ARID4B: variants seen among roughly 807,000 people sequenced by gnomAD.
ARID4B encodes AT-rich interaction domain 4B.
Under a neutral mutation model 147.5 loss-of-function variants are expected in ARID4B, and 26 were observed. That is an observed-to-expected ratio of 0.18 (90% CI 0.13 to 0.24). ARID4B has a LOEUF of 0.24. Among genes scored for constraint, ARID4B ranks in the 10% least tolerant of loss-of-function variants. The probability of loss-of-function intolerance (pLI) is 1.00; values close to 1 mark genes in which losing one functional copy is unlikely to be tolerated. For synonymous variants in ARID4B, 512 were observed against 507.9 expected (o/e 1.01, Z -0.11); for missense variants, 1,179 against 1,511.5 (o/e 0.78, Z 3.65).
intron 16 of ARID4B, among the ~76,000 whole-genome samples, chr1:235,216,151 A>C (rs1302917149): frequency 2.0e-5 from 3 of 152,098 alleles, no homozygotes; most frequent in Admixed American, 6.6e-5. Flanking sequence ...CGAAAGTATC[A>C]AATATATCAA....
chr1:235,188,116 T>TG (rs1444555132), intron 19 of ARID4B, among the ~76,000 whole-genome samples: 2 of 151,922 alleles, frequency 1.3e-5, no homozygotes, highest in East Asian at 1.9e-4. Context: ...TGGGGGGGTT[T>TG]GGGGTCATTG....
chr1:235,193,689 C>T (rs1049995202), intron 19 of ARID4B, among the ~76,000 whole-genome samples: 1 of 152,156 alleles, frequency 6.6e-6, no homozygotes, highest in Non-Finnish European at 1.5e-5. Context: ...CATCCCAAAT[C>T]CAAAATCTGA....
At chr1:235,263,366 A>G (rs1670406396) in intron 2 of ARID4B, among the ~76,000 whole-genome samples, 1 of 152,198 alleles carries the variant, frequency 6.6e-6, no homozygotes, top group Admixed American at 6.5e-5. Context: ...ACATCTTTAG[A>G]CTATTAGTAT....
At chr1:235,269,733 A>G (rs1179965754) in intron 2 of ARID4B, among the ~76,000 whole-genome samples, 2 of 152,200 alleles carry the variant, frequency 1.3e-5, no homozygotes, top group African/African-American at 2.4e-5. Flanking sequence ...TAAATTAGAT[A>G]TAGAGCAAAT....
intron 2 of ARID4B, among the ~76,000 whole-genome samples, chr1:235,308,343 G>A (rs1029685505): frequency 6.6e-6 from 1 of 151,750 alleles, no homozygotes; most frequent in Non-Finnish European, 1.5e-5. Flanking sequence ...CTGACTTCAA[G>A]TGATTCGCCC....
intron 17 of ARID4B, among the ~76,000 whole-genome samples, chr1:235,212,489 G>A (rs1666778770): frequency 6.6e-6 from 1 of 152,090 alleles, no homozygotes; most frequent in Non-Finnish European, 1.5e-5. Context: ...TTTGCTATTT[G>A]CTATTTTCTT....
chr1:235,274,838 G>A (rs1671214759), intron 2 of ARID4B, among the ~76,000 whole-genome samples: 1 of 152,158 alleles, frequency 6.6e-6, no homozygotes, highest in Non-Finnish European at 1.5e-5. Flanking sequence ...TAAAAAGAGG[G>A]TAAATAATAC....
intron 12 of ARID4B, among the ~76,000 whole-genome samples, chr1:235,224,482 T>C (rs899265890): frequency 2.0e-5 from 3 of 152,234 alleles, no homozygotes; most frequent in South Asian, 2.1e-4. Flanking sequence ...TAAGTGCATT[T>C]ATGTGTCCAT....
At chr1:235,175,075 C>T (rs906339662) in intron 22 of ARID4B, 109 bp downstream of exon 22, 12 of 1,001,078 alleles carry the variant, frequency 1.2e-5, no homozygotes, top group African/African-American at 1.6e-5. Context: ...CCACCGCACT[C>T]CAGCCTGGTG....
intron 2 of ARID4B, among the ~76,000 whole-genome samples, chr1:235,296,823 A>AAGGG (rs1200679093): frequency 0.011 from 368 of 32,560 alleles, 5 homozygotes; most frequent in African/African-American, 0.015. Flanking sequence ...GGAAGGAAGG[A>AAGGG]AGGAAGGAAG....
chr1:235,212,233 A>G (rs1423135194), intron 17 of ARID4B, among the ~76,000 whole-genome samples: 1 of 152,190 alleles, frequency 6.6e-6, no homozygotes, highest in Non-Finnish European at 1.5e-5. Context: ...CAACAGAGCT[A>G]GACTCTATCT....
chr1:235,300,232 A>G (rs1008480752), intron 2 of ARID4B, among the ~76,000 whole-genome samples: 2 of 152,124 alleles, frequency 1.3e-5, no homozygotes, highest in South Asian at 2.1e-4. Context: ...CCTGGCCAAC[A>G]TGGCAAAACC....
At chr1:235,280,887 A>G (rs1396949848) in intron 2 of ARID4B, among the ~76,000 whole-genome samples, 1 of 152,238 alleles carries the variant, frequency 6.6e-6, no homozygotes, top group Non-Finnish European at 1.5e-5. Context: ...CGTTTTTTGA[A>G]AGAAATTCTT....
At chr1:235,271,857 G>C (rs4659480) in intron 2 of ARID4B, among the ~76,000 whole-genome samples, 1 of 151,208 alleles carries the variant, frequency 6.6e-6, no homozygotes, top group African/African-American at 2.4e-5. Flanking sequence ...GTTGAGTCAC[G>C]AGAATCACTT....
chr1:235,215,547 A>ATGTGTATGTGTGTGTGTG (rs1553293244), intron 16 of ARID4B, among the ~76,000 whole-genome samples: 1 of 136,450 alleles, frequency 7.3e-6, no homozygotes, highest in Non-Finnish European at 1.6e-5. Flanking sequence ...ACACATATAT[A>ATGTGTATGTGTGTGTGTG]TGTGTGTGTG....
At position 235,255,761 on chromosome 1, in the gene ARID4B, T is replaced by A; in HGVS notation, c.184-11A>T. 1.3e-6 allele frequency: 2 copies of A among 1,581,180 alleles called. No homozygotes were observed. The highest frequency in any genetic ancestry group is 1.7e-6 in the Non-Finnish European group (2 of 1,163,298). On this transcript the variant is annotated splice_polypyrimidine_tract_variant and intron_variant, in intron 4 of 23. Coordinates refer to ENST00000264183, the MANE Select transcript of ARID4B (RefSeq NM_016374.6). ...CACAATAGCTCCTACCTAAAGTATT[T>A]TTAAACATGTTAGAAAAACTTTTAA...
chr1:235,272,740 AATAC>A (rs71931468), intron 2 of ARID4B, among the ~76,000 whole-genome samples: 44,362 of 151,380 alleles, frequency 0.29, 7,587 homozygotes, highest in South Asian at 0.53. Context: ...TTACATATTA[AATAC>A]ATACAATACC....
At chr1:235,269,346 A>G (rs1281213060) in intron 2 of ARID4B, among the ~76,000 whole-genome samples, 2 of 152,246 alleles carry the variant, frequency 1.3e-5, no homozygotes, top group South Asian at 2.1e-4. Context: ...TGAACAGAAT[A>G]TTCACATCAT....
chr1:235,194,975 G>A (rs1665395720), intron 18 of ARID4B, among the ~76,000 whole-genome samples: 1 of 152,106 alleles, frequency 6.6e-6, no homozygotes, highest in South Asian at 2.1e-4. Flanking sequence ...GAGAAAAGAT[G>A]AGAAATTTTC....
Sources: gnomAD v4.1 joint callset for allele counts (sites outside exome capture counted in the v4.1 genomes callset) on GRCh38, gnomAD v4.1.1 for gene constraint, MANE v1.5 for transcripts, NCBI Gene and HGNC (gene_info 2026-07-23, HGNC 2026-07-21) for gene names.